The following NFXL1 variants were observed in gnomAD, a reference collection of about 807,000 sequenced individuals.
NFXL1 encodes NF-X1-type zinc finger protein NFXL1.
Under a neutral mutation model 123.3 loss-of-function variants are expected in NFXL1, and 66 were observed. The observed-to-expected ratio is 0.54, with a 90% CI of 0.44 to 0.66. The LOEUF is 0.66. NFXL1 is among the 30% of genes least tolerant of loss of function. The pLI is 0.00. For missense variants in NFXL1, 944 were observed against 1,125.6 expected (o/e 0.84, Z 2.31); for synonymous variants, 346 against 360.8 (o/e 0.96, Z 0.46).
chr4:47,891,627 A>T (rs1736773528), intron 11 of NFXL1, among the ~76,000 whole-genome samples: 1 of 152,164 alleles, frequency 6.6e-6, no homozygotes, highest in South Asian at 2.1e-4. Flanking sequence ...TCTTTCCTTA[A>T]CTTCTTACTT....
intron 17 of NFXL1, among the ~76,000 whole-genome samples, chr4:47,876,641 G>T (rs1735771920): frequency 6.6e-6 from 1 of 152,120 alleles, no homozygotes; most frequent in Non-Finnish European, 1.5e-5. Context: ...CAAAGGATAT[G>T]GAGCAGAAAG....
chr4:47,881,565 A>G (rs956103574), intron 15 of NFXL1, among the ~76,000 whole-genome samples: 1 of 152,218 alleles, frequency 6.6e-6, no homozygotes, highest in African/African-American at 2.4e-5. Flanking sequence ...GTCTACACAA[A>G]AATCTGCACA....
chr4:47,878,236 C>G (rs933582443), intron 17 of NFXL1, among the ~76,000 whole-genome samples: 2 of 151,898 alleles, frequency 1.3e-5, no homozygotes, highest in Non-Finnish European at 2.9e-5. Flanking sequence ...AGATACATAA[C>G]CTATGTATTT....
chr4:47,859,642 A>G (rs1577989608), intron 19 of NFXL1, among the ~76,000 whole-genome samples: 2 of 152,210 alleles, frequency 1.3e-5, no homozygotes, highest in East Asian at 3.9e-4. Context: ...GGGGTTCAAG[A>G]CCAGCCTAGC....
intron 19 of NFXL1, among the ~76,000 whole-genome samples, chr4:47,855,939 C>T (rs1734382612): frequency 6.6e-6 from 1 of 152,042 alleles, no homozygotes; most frequent in Non-Finnish European, 1.5e-5. Flanking sequence ...ACTTAAATCA[C>T]CATAATGGCC....
intron 11 of NFXL1, among the ~76,000 whole-genome samples, chr4:47,891,100 CTTTTTCTT>C (rs1327004745): frequency 5.9e-4 from 87 of 148,180 alleles, no homozygotes; most frequent in African/African-American, 2.0e-3. Context: ...TATTTATTTT[CTTTTTCTT>C]TTTTTCTTTT....
chr4:47,883,989 T>C (rs767517041), intron 15 of NFXL1, among the ~76,000 whole-genome samples: 1 of 152,214 alleles, frequency 6.6e-6, no homozygotes, highest in African/African-American at 2.4e-5. Flanking sequence ...AAAACCTGGC[T>C]TTCTTCTGTC....
rs765177015 is a variant in NFXL1 at position 47,885,453 on chromosome 4, A to G, written c.1824+45T>C. The G allele has an allele frequency of 1.3e-5, 19 of 1,479,182 alleles. No homozygotes were observed. In the South Asian group the frequency reaches 2.2e-4, roughly 17 times the overall value. 91.6% of individuals were successfully genotyped at this position (1,479,182 alleles called of 1,614,324 possible). A position where few individuals can be genotyped will look rare whatever the true frequency, so the allele number is the denominator to read the frequency against. ...AAACTAAGTAAAAGCAAGAAAGTAC[A>G]ACCCACAGCAATGCACTATTTCTCT... On this transcript the variant is annotated intron_variant, in intron 14 of 22. Coordinates refer to ENST00000507489, the MANE Select transcript of NFXL1 (RefSeq NM_001278624.2).
chr4:47,862,638 T>TA (rs946730555), intron 19 of NFXL1, among the ~76,000 whole-genome samples: 5 of 152,056 alleles, frequency 3.3e-5, no homozygotes, highest in African/African-American at 4.8e-5. Flanking sequence ...ATTGCTTTCT[T>TA]AAAAAAAATC....
chr4:47,901,230 A>G (rs1051898445), intron 5 of NFXL1, among the ~76,000 whole-genome samples: 3 of 152,190 alleles, frequency 2.0e-5, no homozygotes, highest in Admixed American at 1.3e-4. Flanking sequence ...AATTATTAAC[A>G]TTTTACCAAG....
intron 19 of NFXL1, among the ~76,000 whole-genome samples, chr4:47,856,489 G>C: frequency 7.4e-6 from 1 of 135,140 alleles, no homozygotes; most frequent in East Asian, 2.8e-4. Context: ...CCCTAACAAA[G>C]ATCCCTCCCA....
intron 10 of NFXL1, among the ~76,000 whole-genome samples, chr4:47,894,810 G>A (rs554200574): frequency 2.6e-5 from 4 of 152,168 alleles, no homozygotes; most frequent in South Asian, 4.1e-4. Context: ...ACCTACTCTC[G>A]TTATAATGAA....
At chr4:47,867,642 TGGAGGA>T (rs35467475) in intron 18 of NFXL1, among the ~76,000 whole-genome samples, 1 of 151,150 alleles carries the variant, frequency 6.6e-6, no homozygotes, top group Non-Finnish European at 1.5e-5. Context: ...ATTTTAAAGA[TGGAGGA>T]GGAGGAGGAG....
chr4:47,892,344 C>T (rs1213315051), intron 11 of NFXL1, among the ~76,000 whole-genome samples: 2 of 152,108 alleles, frequency 1.3e-5, no homozygotes. Flanking sequence ...ATTCGTAGTT[C>T]AGAGAGGCCA....
intron 15 of NFXL1, 44 bp downstream of exon 15, chr4:47,884,302 A>T (rs12510002): frequency 8.6e-7 from 1 of 1,166,658 alleles, no homozygotes; most frequent in East Asian, 2.4e-5. Flanking sequence ...AGCTATGTCA[A>T]AAGTTTTTTG....
At chr4:47,857,229 G>A (rs1166243857) in intron 19 of NFXL1, among the ~76,000 whole-genome samples, 3 of 152,176 alleles carry the variant, frequency 2.0e-5, no homozygotes, top group African/African-American at 7.2e-5. Flanking sequence ...TCTATGTTTT[G>A]CAAACATTTC....
At chr4:47,878,479 T>G in intron 17 of NFXL1, 46 bp downstream of exon 17, 1 of 1,390,072 alleles carries the variant, frequency 7.2e-7, no homozygotes, top group East Asian at 2.6e-5. Context: ...GAAAAAACGT[T>G]TCAAGAATAC....
chr4:47,887,945 A>C (rs1736538098), intron 12 of NFXL1, among the ~76,000 whole-genome samples: 1 of 152,128 alleles, frequency 6.6e-6, no homozygotes, highest in Non-Finnish European at 1.5e-5. Flanking sequence ...GGTAGTTCTA[A>C]AACTATAAAC....
rs544117943 is a variant in NFXL1, at chr4:47,856,910, A to T, written c.2317-1747T>A. On this transcript the variant is annotated intron_variant, in intron 19 of 22. Coordinates refer to ENST00000507489, the MANE Select transcript of NFXL1 (RefSeq NM_001278624.2). ...TCAAGCCTTTGTATTGCTTAATTTC[A>T]TTCTTACCTTCATTCCTGCCAGTGC... 3.3e-5 allele frequency among the ~76,000 whole-genome samples: 5 copies of T among 152,228 alleles called. No homozygotes were observed. In the East Asian group the frequency reaches 7.7e-4, roughly 23 times the overall value.
Sources: gnomAD v4.1 joint callset for allele counts (sites outside exome capture counted in the v4.1 genomes callset) on GRCh38, gnomAD v4.1.1 for gene constraint, MANE v1.5 for transcripts, NCBI Gene and HGNC (gene_info 2026-07-23, HGNC 2026-07-21) for gene names.